The following DPP10 variants were observed in gnomAD, a reference collection of about 807,000 sequenced individuals.
DPP10 encodes the protein dipeptidyl peptidase like 10, also known as inactive dipeptidyl peptidase 10.
DPP10 carries 33 observed loss-of-function variants against 120.9 expected under a neutral mutation model. The observed-to-expected ratio is 0.27, with a 90% confidence interval of 0.21 to 0.37. DPP10 has a LOEUF of 0.37. Ranked by LOEUF, DPP10 falls within the 10% of genes least tolerant of loss-of-function variation. The probability of loss-of-function intolerance (pLI) is 1.00; values close to 1 mark genes in which losing one functional copy is unlikely to be tolerated. For missense variants in DPP10, 816 were observed against 942.8 expected (o/e 0.87, Z 1.76); for synonymous variants, 337 against 326.1 (o/e 1.03, Z -0.36).
chr2:115,402,903 GTATATATATGTGTGTATATATATATGTA>G (rs2068200247), intron 3 of DPP10, among the ~76,000 whole-genome samples: 1 of 108,556 alleles, frequency 9.2e-6, no homozygotes, highest in Non-Finnish European at 1.9e-5. Flanking sequence ...ATATATATAT[GTATATATATGTGTGTATATATATATGTA>G]TATATATATG....
At chr2:114,645,249 T>C (rs1194738745) in intron 1 of DPP10, among the ~76,000 whole-genome samples, 1 of 152,194 alleles carries the variant, frequency 6.6e-6, no homozygotes, top group Non-Finnish European at 1.5e-5. Flanking sequence ...TTGTTCTCTA[T>C]ATAGTATATT....
chr2:115,539,615 G>A (rs2079061851), intron 5 of DPP10, among the ~76,000 whole-genome samples: 1 of 151,856 alleles, frequency 6.6e-6, no homozygotes, highest in South Asian at 2.1e-4. Flanking sequence ...CAGGAAAAAA[G>A]AGATGTGACT....
At chr2:115,831,546 C>T (rs1466400582) in intron 21 of DPP10, among the ~76,000 whole-genome samples, 2 of 151,966 alleles carry the variant, frequency 1.3e-5, no homozygotes, top group Admixed American at 6.6e-5. Flanking sequence ...CCCAAATAAC[C>T]TCTTGTAAAA....
intron 12 of DPP10, among the ~76,000 whole-genome samples, chr2:115,767,601 T>G (rs1011172245): frequency 7.9e-5 from 12 of 151,946 alleles, no homozygotes; most frequent in Non-Finnish European, 1.5e-4. Context: ...TATATGTGGC[T>G]TTCATCATTT....
chr2:114,499,917 A>G (rs1030868476), intron 1 of DPP10, among the ~76,000 whole-genome samples: 6 of 152,178 alleles, frequency 3.9e-5, no homozygotes, highest in Non-Finnish European at 5.9e-5. Context: ...TTGAACTTCT[A>G]TGGGTGATCA....
chr2:114,892,862 A>G (rs1000824359), intron 1 of DPP10, among the ~76,000 whole-genome samples: 1 of 152,130 alleles, frequency 6.6e-6, no homozygotes, highest in African/African-American at 2.4e-5. Context: ...GGACCCCCCA[A>G]AAAATGGCAG....
chr2:114,784,132 G>T (rs956398915), intron 1 of DPP10, among the ~76,000 whole-genome samples: 1 of 152,046 alleles, frequency 6.6e-6, no homozygotes, highest in African/African-American at 2.4e-5. Context: ...GTATATGCAG[G>T]TTCACAGAAG....
At chr2:114,698,099 C>A (rs1458273346) in intron 1 of DPP10, among the ~76,000 whole-genome samples, 1 of 152,014 alleles carries the variant, frequency 6.6e-6, no homozygotes. Flanking sequence ...CAGATAGGTA[C>A]CCTTCTAAAA....
chr2:114,546,488 A>G (rs1356115781), intron 1 of DPP10, among the ~76,000 whole-genome samples: 1 of 152,210 alleles, frequency 6.6e-6, no homozygotes, highest in Non-Finnish European at 1.5e-5. Flanking sequence ...TCAATGTGAG[A>G]TTTGGGCAGG....
intron 3 of DPP10, among the ~76,000 whole-genome samples, chr2:115,356,217 C>T (rs986763760): frequency 6.6e-6 from 1 of 152,032 alleles, no homozygotes; most frequent in Non-Finnish European, 1.5e-5. Context: ...TGTTTGTGTC[C>T]TCTCTTATTT....
At chr2:114,668,203 G>A (rs1408067488) in intron 1 of DPP10, among the ~76,000 whole-genome samples, 1 of 152,154 alleles carries the variant, frequency 6.6e-6, no homozygotes, top group African/African-American at 2.4e-5. Flanking sequence ...AGCTGGTGGT[G>A]TGATTCAGCC....
intron 5 of DPP10, among the ~76,000 whole-genome samples, chr2:115,673,706 A>T (rs753978746): frequency 6.6e-6 from 1 of 152,212 alleles, no homozygotes; most frequent in Non-Finnish European, 1.5e-5. Flanking sequence ...TGATATTTCA[A>T]ACCTGTGCTT....
chr2:115,162,213 G>A, intron 1 of DPP10: 3 of 1,556,806 alleles, frequency 1.9e-6, no homozygotes, highest in Non-Finnish European at 2.6e-6. Context: ...CTCTGCGTGC[G>A]CTCCGGGGCC....
chr2:114,646,212 G>C (rs1235970718), intron 1 of DPP10, among the ~76,000 whole-genome samples: 1 of 150,150 alleles, frequency 6.7e-6, no homozygotes, highest in Non-Finnish European at 1.5e-5. Flanking sequence ...GGGGAGAGGG[G>C]ATCAAAAGCA....
At chr2:115,441,900 C>T (rs1209025727) in intron 3 of DPP10, among the ~76,000 whole-genome samples, 2 of 150,144 alleles carry the variant, frequency 1.3e-5, no homozygotes, top group Admixed American at 6.6e-5. Context: ...ACTTCAACCT[C>T]CACTTCCTGG....
At chr2:115,283,728 T>C (rs1199485906) in intron 1 of DPP10, among the ~76,000 whole-genome samples, 1 of 152,088 alleles carries the variant, frequency 6.6e-6, no homozygotes, top group Non-Finnish European at 1.5e-5. Context: ...TATGTAGTCA[T>C]GTACCACGTA....
chr2:115,017,229 T>TA (rs557289445), intron 1 of DPP10, among the ~76,000 whole-genome samples: 51 of 141,604 alleles, frequency 3.6e-4, no homozygotes, highest in Non-Finnish European at 6.4e-4. Context: ...TTAAAAAAAT[T>TA]AAAAAAAAAG....
At chr2:115,639,970 T>C (rs2086648194) in intron 5 of DPP10, among the ~76,000 whole-genome samples, 1 of 152,046 alleles carries the variant, frequency 6.6e-6, no homozygotes, top group Non-Finnish European at 1.5e-5. Context: ...ATTTTTTTTT[T>C]TTTTTTAGAG....
chr2:115,120,698 C>T (rs569026219), intron 1 of DPP10, among the ~76,000 whole-genome samples: 1 of 152,254 alleles, frequency 6.6e-6, no homozygotes, highest in African/African-American at 2.4e-5. Flanking sequence ...AATAAATTCC[C>T]TTTCACAATT....
Sources: allele counts gnomAD v4.1 joint callset (sites outside exome capture counted in the v4.1 genomes callset), GRCh38; gene constraint gnomAD v4.1.1; transcripts MANE v1.5; gene names NCBI Gene and HGNC (gene_info 2026-07-23, HGNC 2026-07-21).